TENM4: variants seen among roughly 807,000 people sequenced by gnomAD.
TENM4 encodes the protein teneurin transmembrane protein 4, also known as teneurin-4.
Under a neutral mutation model 243.3 loss-of-function variants are expected in TENM4, and 82 were observed. That is an observed-to-expected ratio of 0.34 (90% CI 0.28 to 0.40). The LOEUF is 0.40. Ranked by LOEUF, TENM4 falls within the 10% of genes least tolerant of loss-of-function variation. The probability of loss-of-function intolerance (pLI) is 1.00; values close to 1 mark genes in which losing one functional copy is unlikely to be tolerated. For synonymous variants in TENM4, 1,412 were observed against 1,456.3 expected (o/e 0.97, Z 0.69); for missense variants, 3,138 against 3,673.3 (o/e 0.85, Z 3.77).
intron 6 of TENM4, among the ~76,000 whole-genome samples, chr11:78,939,471 C>T (rs1293690800): frequency 1.3e-5 from 2 of 152,224 alleles, no homozygotes; most frequent in Non-Finnish European, 2.9e-5. Context: ...TCCTTGATAT[C>T]TTTGTGCATG....
At chr11:79,114,997 T>G (rs1861589244) in intron 4 of TENM4, among the ~76,000 whole-genome samples, 1 of 152,164 alleles carries the variant, frequency 6.6e-6, no homozygotes, top group Non-Finnish European at 1.5e-5. Flanking sequence ...GCAGATCAAG[T>G]CTGTCCCTGC....
At chr11:78,895,810 T>A (rs1591108674) in intron 7 of TENM4, among the ~76,000 whole-genome samples, 1 of 152,176 alleles carries the variant, frequency 6.6e-6, no homozygotes, top group East Asian at 1.9e-4. Flanking sequence ...ACAGGAAAAA[T>A]TAGGTGAAGA....
intron 2 of TENM4, among the ~76,000 whole-genome samples, chr11:79,295,961 C>G (rs1856445368): frequency 6.6e-6 from 1 of 151,260 alleles, no homozygotes; most frequent in Non-Finnish European, 1.5e-5. Context: ...CCCACACATT[C>G]ACAGTCACAT....
At chr11:79,145,573 A>G (rs1404496401) in intron 4 of TENM4, among the ~76,000 whole-genome samples, 13 of 152,072 alleles carry the variant, frequency 8.5e-5, no homozygotes, top group Non-Finnish European at 1.3e-4. Context: ...CACTATGTGA[A>G]TATGCTACCC....
intron 6 of TENM4, among the ~76,000 whole-genome samples, chr11:79,057,151 T>G (rs1859964682): frequency 6.6e-6 from 1 of 152,146 alleles, no homozygotes; most frequent in African/African-American, 2.4e-5. Flanking sequence ...ACTTCAGCCT[T>G]TGCCTGTTAG....
chr11:78,883,698 TAC>T (rs1212638706), intron 9 of TENM4, among the ~76,000 whole-genome samples: 3 of 152,262 alleles, frequency 2.0e-5, no homozygotes, highest in African/African-American at 7.2e-5. Flanking sequence ...GCGTTTTACA[TAC>T]ACATTCAGAA....
At chr11:78,864,505 G>A (rs150962025) in intron 9 of TENM4, among the ~76,000 whole-genome samples, 3 of 143,498 alleles carry the variant, frequency 2.1e-5, no homozygotes, top group East Asian at 4.2e-4. Flanking sequence ...AGTCTTGTAC[G>A]ACAATCTAGA....
At position 78,870,984 on chromosome 11, in the gene TENM4, G is replaced by A. The variant is rs76489083; in HGVS notation, c.1085-7852C>T. 2.9e-3 allele frequency among the ~76,000 whole-genome samples: 443 copies of A among 152,244 alleles called. 1 individual carries two copies. The highest frequency in any genetic ancestry group is 4.5e-3 in the African/African-American group (189 of 41,540). Reference sequence around the variant, plus strand: ...GGTGGGCTCTACTAAGACCTCTTCCGTATATAACTAATTTAGGAGTTGGCC... The same window carrying A: ...GGTGGGCTCTACTAAGACCTCTTCCATATATAACTAATTTAGGAGTTGGCC... On this transcript the variant is annotated intron_variant, in intron 9 of 33. Transcript: ENST00000278550.
intron 1 of TENM4, among the ~76,000 whole-genome samples, chr11:79,315,588 G>A (rs571032493): frequency 6.6e-5 from 10 of 152,246 alleles, no homozygotes; most frequent in African/African-American, 2.4e-4. Context: ...GTAGACACAC[G>A]GCATCAGGAT....
chr11:79,249,337 A>G (rs1855571190), intron 2 of TENM4, among the ~76,000 whole-genome samples: 4 of 152,246 alleles, frequency 2.6e-5, no homozygotes, highest in Admixed American at 6.5e-5. Flanking sequence ...AGATTTGAAC[A>G]TAGGTCCCTG....
chr11:78,893,612 C>T (rs970388168), intron 7 of TENM4, among the ~76,000 whole-genome samples: 1 of 152,078 alleles, frequency 6.6e-6, no homozygotes, highest in African/African-American at 2.4e-5. Flanking sequence ...TCCTCTGCCT[C>T]CCTCAACTAT....
chr11:78,966,675 T>C (rs1378093913), intron 6 of TENM4, among the ~76,000 whole-genome samples: 1 of 152,124 alleles, frequency 6.6e-6, no homozygotes, highest in Non-Finnish European at 1.5e-5. Context: ...AGGATTTCAA[T>C]GAGAAAAGAT....
chr11:79,136,586 G>C (rs1253192306), intron 4 of TENM4, among the ~76,000 whole-genome samples: 1 of 152,160 alleles, frequency 6.6e-6, no homozygotes, highest in Non-Finnish European at 1.5e-5. Context: ...CTAGTGGCGG[G>C]TTGATTATAC....
rs1013302995 is a variant in TENM4, at chr11:78,676,292, A to C, written c.5356T>G (p.Leu1786Val). The C allele has an allele frequency of 1.2e-6, 2 of 1,612,786 alleles. No homozygotes were observed. The highest frequency in any genetic ancestry group is 2.2e-5 in the South Asian group (2 of 91,044). The change falls in exon 30 of 34, where the codon TTG becomes GTG. Residue 1786 changes from leucine (L) to valine (V), a missense_variant. This residue lies in a region of TENM4 where 2,467 missense variants were observed against 3,059.1 expected (regional missense o/e 0.81). Coordinates refer to ENST00000278550, the MANE Select transcript of TENM4 (RefSeq NM_001098816.3). ...GTGGGGTTGACGGTGCCAGCCAGCA[A>C]GTGGGGCTCAGTCTGCAGCGCCACC... Reference protein sequence around the residue: ...MEVALQTEPHLLAGTVNPTVG... With the variant: ...MEVALQTEPHVLAGTVNPTVG...
chr11:78,723,067 C>A (rs117214320), intron 23 of TENM4, 150 bp from the exon 24 acceptor site: 16,279 of 1,016,596 alleles, frequency 0.016, 174 homozygotes, highest in Non-Finnish European at 0.018. Context: ...CCTCACCCCC[C>A]CAATGGAACC....
In TENM4 at chr11:79,121,638, A is replaced by G. The variant is rs114332277; in HGVS notation, c.-66+27072T>C. Among the ~76,000 whole-genome samples the G allele has an allele frequency of 2.0e-3, 310 of 152,342 alleles. 2 individuals carry two copies. The highest frequency in any genetic ancestry group is 6.9e-3 in the African/African-American group (288 of 41,584). On this transcript the variant is annotated intron_variant, in intron 4 of 33. Coordinates refer to ENST00000278550, the MANE Select transcript of TENM4 (RefSeq NM_001098816.3). Reference sequence around the variant, plus strand: ...AATGAGGGCCCTGTTCCTCTGAGCAAGTAGTGTCCAATTACATCCCAGTGA... The same window carrying G: ...AATGAGGGCCCTGTTCCTCTGAGCAGGTAGTGTCCAATTACATCCCAGTGA...
chr11:78,811,983 TG>T, intron 14 of TENM4, 138 bp downstream of exon 14: 2 of 1,008,602 alleles, frequency 2.0e-6, no homozygotes, highest in Non-Finnish European at 1.4e-6. Flanking sequence ...CTGTTGCTGG[TG>T]GGTGGGCTCC....
chr11:79,214,514 T>G (rs772937798), intron 3 of TENM4, among the ~76,000 whole-genome samples: 3 of 152,234 alleles, frequency 2.0e-5, no homozygotes, highest in African/African-American at 4.8e-5. Flanking sequence ...TCAGAAGTTA[T>G]GTAAGGTCCA....
chr11:79,432,480 T>C (rs1859190065), intron 1 of TENM4, among the ~76,000 whole-genome samples: 1 of 152,262 alleles, frequency 6.6e-6, no homozygotes, highest in African/African-American at 2.4e-5. Context: ...CACCCTGAAC[T>C]GGATCCTTTC....
Sources: gnomAD v4.1 joint callset for allele counts (sites outside exome capture counted in the v4.1 genomes callset) on GRCh38, gnomAD v4.1.1 for gene constraint, gnomAD v4.1.1 regional missense constraint, MANE v1.5 for transcripts, NCBI Gene and HGNC (gene_info 2026-07-23, HGNC 2026-07-21) for gene names.